Variants in GGT1 observed in about 807,000 individuals in gnomAD.
The protein encoded by GGT1 is gamma-glutamyltransferase 1.
Under a neutral mutation model 56.0 loss-of-function variants are expected in GGT1, and 21 were observed. The ratio of observed to expected loss-of-function variants is 0.38; its 90% CI spans 0.27 to 0.54. The LOEUF (loss-of-function observed/expected upper bound fraction) is 0.54. GGT1 is among the 20% of genes least tolerant of loss of function. The pLI is 0.82. For synonymous variants in GGT1, 238 were observed against 342.6 expected, an observed-to-expected ratio of 0.69 and a Z score of 3.37; for missense variants, 466 against 787.0, an observed-to-expected ratio of 0.59 and a Z score of 4.88.
intron 11 of GGT1, among the ~76,000 whole-genome samples, chr22:24,625,749 G>A (rs1047549519): frequency 1.3e-5 from 2 of 151,478 alleles, no homozygotes; most frequent in Non-Finnish European, 2.9e-5. Flanking sequence ...CACCGTGATC[G>A]CGATCTCCTG....
the GGT1 span, chr22:24,588,181 A>C: frequency 1.3e-6 from 2 of 1,509,928 alleles, no homozygotes; most frequent in East Asian, 4.5e-5. Flanking sequence ...TTGGAGCAGC[A>C]GTGAGGAGGG....
At chr22:24,627,118 T>C in intron 11 of GGT1, 1 of 669,572 alleles carries the variant, frequency 1.5e-6, no homozygotes, top group South Asian at 1.9e-5. Context: ...TCCCTGTTGA[T>C]TCCCCAGTGC....
chr22:24,604,541 G>T (rs996210627), intron 1 of GGT1, among the ~76,000 whole-genome samples: 9 of 152,126 alleles, frequency 5.9e-5, no homozygotes, highest in Non-Finnish European at 1.3e-4. Flanking sequence ...TGACACCAGA[G>T]TCTGTGTCTC....
chr22:24,590,267 A>G (rs1267990612), upstream of GGT1, among the ~76,000 whole-genome samples: 5 of 152,150 alleles, frequency 3.3e-5, no homozygotes, highest in African/African-American at 1.2e-4. Context: ...AGCTGGGGCT[A>G]TAGACAGGCA....
At chr22:24,599,350 C>T (rs1447292040), upstream of GGT1, 1 of 148,920 alleles carries the variant, frequency 6.7e-6, no homozygotes, top group East Asian at 1.9e-4. Flanking sequence ...AGCTCATATC[C>T]AGCTGCCCCA....
chr22:24,590,467 G>C (rs1310235385), upstream of GGT1, among the ~76,000 whole-genome samples: 3 of 152,154 alleles, frequency 2.0e-5, no homozygotes, highest in African/African-American at 7.2e-5. Flanking sequence ...CCTCAGGGAA[G>C]TGGTAAGTGA....
upstream of GGT1, among the ~76,000 whole-genome samples, chr22:24,599,027 ATAG>A (rs2045740404): frequency 6.6e-6 from 1 of 152,216 alleles, no homozygotes; most frequent in African/African-American, 2.4e-5. Context: ...TCGTCCTCCC[ATAG>A]TGCTGGGATT....
In GGT1 at chr22:24,627,439, G is replaced by C; in HGVS notation, c.1028G>C (p.Arg343Pro). The change falls in exon 12 of 16, where the codon CGC (arginine) becomes CCC (proline). Residue 343 changes from arginine (R) to proline (P), a missense_variant. Around this residue, in one of 2 missense-constraint regions of GGT1, gnomAD observed 456 missense variants for 716.7 expected, o/e 0.64. Coordinates refer to ENST00000400382, the MANE Select transcript of GGT1 (RefSeq NM_001288833.2). ...PKFVDVTEVV[R>P]NMTSEFFAAQ... ...GCTCTGGGGTCTCGGCAGGTGGTCCGCAACATGACCTCCGAGTTCTTCGCT... is the reference window on the plus strand; with the variant it reads ...GCTCTGGGGTCTCGGCAGGTGGTCCCCAACATGACCTCCGAGTTCTTCGCT... The C allele has an allele frequency of 6.4e-7, 1 of 1,565,848 alleles. No homozygotes were observed. Among genetic ancestry groups the C allele is most frequent in the East Asian group, 2.4e-5 (1 of 42,244 alleles).
At chr22:24,613,858 T>C (rs2046872317) in intron 5 of GGT1, among the ~76,000 whole-genome samples, 1 of 152,128 alleles carries the variant, frequency 6.6e-6, no homozygotes, top group Non-Finnish European at 1.5e-5. Context: ...GAGACCAGCT[T>C]GGGCAACATA....
chr22:24,592,368 C>T (rs912348713), upstream of GGT1: 2 of 470,704 alleles, frequency 4.2e-6, no homozygotes, highest in Non-Finnish European at 8.8e-6. Context: ...TGGGGTGAGG[C>T]TGCATCCCTA....
chr22:24,624,600 C>G, intron 11 of GGT1: 1 of 959,736 alleles, frequency 1.0e-6, no homozygotes, highest in Non-Finnish European at 1.2e-6. Flanking sequence ...TCTTGTCTCT[C>G]TGAGGGGACA....
chr22:24,589,877 G>A, upstream of GGT1: 2 of 1,613,924 alleles, frequency 1.2e-6, no homozygotes, highest in South Asian at 1.1e-5. Flanking sequence ...TGGGAGATGG[G>A]GTCGACCGGG....
At chr22:24,592,867 C>T (rs1318356951), upstream of GGT1, 10 of 1,281,752 alleles carry the variant, frequency 7.8e-6, no homozygotes, top group Non-Finnish European at 9.9e-6. Flanking sequence ...TCTCGCCTGG[C>T]GCAGGAGGCG....
chr22:24,605,687 G>T, intron 1 of GGT1, among the ~76,000 whole-genome samples: 1 of 53,306 alleles, frequency 1.9e-5, no homozygotes. Flanking sequence ...TATATAATGT[G>T]TATTATATAT....
chr22:24,619,597 T>G (rs1663954572), intron 7 of GGT1, among the ~76,000 whole-genome samples: 2 of 152,022 alleles, frequency 1.3e-5, no homozygotes, highest in African/African-American at 4.8e-5. Flanking sequence ...AAAACCCTTA[T>G]AGTTGGATGG....
chr22:24,598,168 T>G (rs983952696), intron 1 of GGT1: 3 of 152,190 alleles, frequency 2.0e-5, no homozygotes, highest in Non-Finnish European at 4.4e-5. Context: ...CCGGGCACGG[T>G]GGCTCACGCC....
At chr22:24,588,187 G>C in the GGT1 span, 1 of 1,539,234 alleles carries the variant, frequency 6.5e-7, no homozygotes, top group Non-Finnish European at 9.0e-7. Context: ...CAGCAGTGAG[G>C]AGGGGCAGTG....
Position 24,620,991 on chromosome 22 carries a change from G to A in GGT1, c.654G>A (p.Glu218=). ...TGCCGCAGCTGGCTGACACCTACGA[G>A]ACGCTGGCCATCGAGGGTGCCCAGG... ...LTLPQLADTY[E]TLAIEGAQAF... The change falls in exon 9 of 16, where the codon GAG becomes GAA. Residue 218 remains glutamate (E), a synonymous_variant. Transcript: ENST00000400382. The surrounding 1 kb of genome is among the most constrained non-coding windows in gnomAD (Gnocchi z 5.6). 1 of 1,611,836 alleles carries A rather than the reference G, an allele frequency of 6.2e-7. No homozygotes were observed. Among genetic ancestry groups the A allele is most frequent in the Non-Finnish European group, 8.5e-7 (1 of 1,179,798 alleles).
At chr22:24,585,967 G>A in the GGT1 span, 2,435 of 1,609,838 alleles carry the variant, frequency 1.5e-3, 41 homozygotes, top group South Asian at 4.5e-3. Context: ...TGGTGGCCCC[G>A]GCCGCACTGC....
Sources: gnomAD v4.1 joint callset for allele counts (sites outside exome capture counted in the v4.1 genomes callset) on GRCh38, gnomAD v4.1.1 for gene constraint, gnomAD v4.1.1 regional missense constraint, Gnocchi (gnomAD v3.1) non-coding constraint, MANE v1.5 for transcripts, NCBI Gene and HGNC (gene_info 2026-07-23, HGNC 2026-07-21) for gene names.